Variants in NDST4 observed in about 807,000 individuals in gnomAD.
The protein encoded by NDST4 is N-deacetylase and N-sulfotransferase 4.
A neutral mutation model predicts 100.8 loss-of-function variants in NDST4; 63 were observed. The ratio of observed to expected loss-of-function variants is 0.62; its 90% CI spans 0.51 to 0.77. The LOEUF (loss-of-function observed/expected upper bound fraction) is 0.77. NDST4 is among the 30% of genes least tolerant of loss of function. NDST4 has a pLI of 0.00. For synonymous variants in NDST4, 377 were observed against 361.8 expected (o/e 1.04, Z -0.48); for missense variants, 943 against 1,018.4 (o/e 0.93, Z 1.01).
chr4:114,837,437 C>A (rs1260411806), intron 11 of NDST4, among the ~76,000 whole-genome samples: 3 of 152,060 alleles, frequency 2.0e-5, no homozygotes, highest in African/African-American at 7.2e-5. Flanking sequence ...TAGTACAAGG[C>A]TACAGTAACC....
chr4:115,071,143 TA>T (rs918716554), intron 2 of NDST4, among the ~76,000 whole-genome samples: 8 of 139,382 alleles, frequency 5.7e-5, no homozygotes, highest in African/African-American at 2.7e-4. Flanking sequence ...AATAAAAAAA[TA>T]AAAAATAAAA....
rs1178049868 is a variant in NDST4, at chr4:114,845,923, T to C, written c.2015A>G (p.His672Arg). Residue 672 changes from histidine (H) to arginine (R), a missense_variant, in exon 10 of 14, where the codon CAT becomes CGT. Physicochemically the swap from His to Arg is conservative, Grantham distance 29. This residue lies in a region of NDST4 where 526 missense variants were observed against 634.1 expected (regional missense o/e 0.83). Transcript: ENST00000264363. Reference protein sequence around the residue: ...FLFEKSANYFHSEEAPRRAAS... With the variant: ...FLFEKSANYFRSEEAPRRAAS... ...GGCTCGTCTTGGAGCTTCTTCCGAA[T>C]GGAAGTAATTAGCACTCTTTTCAAA... 2 of 1,614,006 alleles carry C rather than the reference T, an allele frequency of 1.2e-6. No homozygotes were observed. The highest frequency in any genetic ancestry group is 8.5e-7 in the Non-Finnish European group (1 of 1,179,886).
At chr4:114,952,835 C>A (rs1726047228) in intron 4 of NDST4, among the ~76,000 whole-genome samples, 1 of 151,982 alleles carries the variant, frequency 6.6e-6, no homozygotes, top group African/African-American at 2.4e-5. Flanking sequence ...GCCATTTACA[C>A]ACCTCAATTT....
chr4:114,954,338 T>A (rs1396241260), intron 4 of NDST4, among the ~76,000 whole-genome samples: 2 of 152,116 alleles, frequency 1.3e-5, no homozygotes, highest in Non-Finnish European at 2.9e-5. Context: ...AATTCTAGCA[T>A]TGAAGGAGAA....
At chr4:115,057,098 A>G (rs1358089982) in intron 2 of NDST4, among the ~76,000 whole-genome samples, 2 of 152,140 alleles carry the variant, frequency 1.3e-5, no homozygotes, top group African/African-American at 4.8e-5. Flanking sequence ...TCGACATTAT[A>G]TAATCCCAGA....
intron 2 of NDST4, among the ~76,000 whole-genome samples, chr4:115,000,722 A>C (rs1372705053): frequency 6.6e-6 from 1 of 152,096 alleles, no homozygotes; most frequent in African/African-American, 2.4e-5. Context: ...CAAGAATTAC[A>C]TCTCTCCTGA....
At chr4:114,917,910 A>T (rs1188349371) in intron 6 of NDST4, among the ~76,000 whole-genome samples, 1 of 152,228 alleles carries the variant, frequency 6.6e-6, no homozygotes, top group Non-Finnish European at 1.5e-5. Context: ...AGATTAAATA[A>T]GGTAAACACA....
At chr4:114,828,299 A>C (rs60971279) in intron 13 of NDST4, among the ~76,000 whole-genome samples, 16,731 of 152,208 alleles carry the variant, frequency 0.11, 970 homozygotes, top group Middle Eastern at 0.15. Flanking sequence ...AGCTAGATAA[A>C]TGTACATACA....
In NDST4 at chr4:115,076,300, G is replaced by A; in HGVS notation, c.737C>T (p.Ser246Phe). The change falls in exon 2 of 14, where the codon TCC becomes TTC. Residue 246 changes from serine (S) to phenylalanine (F), a missense_variant. Ser to Phe is a radical substitution (Grantham distance 155). This residue lies in a region of NDST4 where 417 missense variants were observed against 384.2 expected (regional missense o/e 1.09). Transcript: ENST00000264363. Reference sequence around the variant, plus strand: ...TGCAAAGAGTGTTTTGCTAGACAAGGATGACAGGGATTTTTCTGTCTGTAA... The same window carrying A: ...TGCAAAGAGTGTTTTGCTAGACAAGAATGACAGGGATTTTTCTGTCTGTAA... ...TELQTEKSLS[S>F]LSSKTLFATV... 1.2e-6 allele frequency: 2 copies of A among 1,613,984 alleles called. No homozygotes were observed. Among genetic ancestry groups the A allele is most frequent in the Non-Finnish European group, 1.7e-6 (2 of 1,179,926 alleles).
chr4:115,033,131 GTATATATATA>G (rs60019799), intron 2 of NDST4, among the ~76,000 whole-genome samples: 3 of 107,854 alleles, frequency 2.8e-5, no homozygotes, highest in East Asian at 2.6e-4. Flanking sequence ...ATATATATGT[GTATATATATA>G]TATATATATA....
intron 11 of NDST4, among the ~76,000 whole-genome samples, chr4:114,837,651 C>T (rs1337794734): frequency 6.6e-6 from 1 of 152,156 alleles, no homozygotes; most frequent in Non-Finnish European, 1.5e-5. Context: ...TGGACCCCTT[C>T]CTTACACTTT....
intron 1 of NDST4, among the ~76,000 whole-genome samples, chr4:115,078,893 T>C (rs1451845014): frequency 2.6e-5 from 4 of 151,988 alleles, no homozygotes; most frequent in Admixed American, 1.3e-4. Flanking sequence ...TAACAACCTA[T>C]ACTGGGATAC....
intron 9 of NDST4, among the ~76,000 whole-genome samples, chr4:114,847,619 C>A (rs1723583380): frequency 6.6e-6 from 1 of 151,926 alleles, no homozygotes; most frequent in African/African-American, 2.4e-5. Context: ...TTTCCAGTAT[C>A]AGGTTTATTC....
intron 2 of NDST4, among the ~76,000 whole-genome samples, chr4:115,063,335 G>A (rs1728863468): frequency 6.6e-6 from 1 of 151,904 alleles, no homozygotes; most frequent in Non-Finnish European, 1.5e-5. Context: ...ATAATGATGA[G>A]TTGAATAAAA....
At chr4:115,110,626 C>A (rs1425888595) in intron 1 of NDST4, among the ~76,000 whole-genome samples, 1 of 151,868 alleles carries the variant, frequency 6.6e-6, no homozygotes, top group Admixed American at 6.6e-5. Context: ...GATCTCTCTG[C>A]CTCTCCAAGA....
chr4:114,996,477 A>T (rs1272841168), intron 2 of NDST4, among the ~76,000 whole-genome samples: 1 of 152,126 alleles, frequency 6.6e-6, no homozygotes, highest in Non-Finnish European at 1.5e-5. Context: ...TATGACTCAT[A>T]ACTAATTCCC....
At chr4:115,042,715 G>C (rs994899318) in intron 2 of NDST4, among the ~76,000 whole-genome samples, 3 of 151,930 alleles carry the variant, frequency 2.0e-5, no homozygotes, top group Non-Finnish European at 4.4e-5. Context: ...TGGCGGTGAG[G>C]GGAGACTACT....
chr4:114,924,270 C>T (rs112697480), intron 6 of NDST4, among the ~76,000 whole-genome samples: 3 of 152,018 alleles, frequency 2.0e-5, no homozygotes, highest in Non-Finnish European at 4.4e-5. Context: ...TAACTCTGAT[C>T]CTGATTTTCA....
At chr4:114,932,743 A>G (rs1725541367) in intron 6 of NDST4, among the ~76,000 whole-genome samples, 1 of 151,992 alleles carries the variant, frequency 6.6e-6, no homozygotes, top group Admixed American at 6.5e-5. Flanking sequence ...CAACAGCATC[A>G]AAAAAATACT....
Sources: allele counts gnomAD v4.1 joint callset (sites outside exome capture counted in the v4.1 genomes callset), GRCh38; gene constraint gnomAD v4.1.1; regional missense constraint gnomAD v4.1.1; transcripts MANE v1.5; gene names NCBI Gene and HGNC (gene_info 2026-07-23, HGNC 2026-07-21).